SLA: variants seen among roughly 807,000 people sequenced by gnomAD.
SLA encodes src-like-adapter.
In SLA, 16 loss-of-function variants were observed where a neutral mutation model predicts 30.3. That is an observed-to-expected ratio of 0.53 (90% CI 0.36 to 0.80). The LOEUF is 0.80. SLA is among the 30% of genes least tolerant of loss of function. SLA has a pLI of 0.01. For missense variants in SLA, 310 were observed against 345.2 expected (o/e 0.90, Z 0.81); for synonymous variants, 143 against 137.8 (o/e 1.04, Z -0.26).
rs1248215772 is a variant in SLA, at chr8:133,038,361, A to T, written c.*163T>A. 6.4e-6 allele frequency: 4 copies of T among 628,070 alleles called. No homozygotes were observed. Among genetic ancestry groups the T allele is most frequent in the Non-Finnish European group, 1.1e-5 (4 of 352,664 alleles). 38.9% of individuals were successfully genotyped at this position (628,070 alleles called of 1,614,324 possible). ...CCAGGGAGGGGTTCCTTTGGTCATG[A>T]TGTGGATAGAGAAGATGCGAATTTG... On this transcript the variant is annotated 3_prime_UTR_variant, in exon 9 of 9. Transcript: ENST00000338087.
chr8:133,088,393 A>G (rs1192164099), intron 1 of SLA, among the ~76,000 whole-genome samples: 7 of 152,206 alleles, frequency 4.6e-5, no homozygotes, highest in African/African-American at 7.2e-5. Flanking sequence ...TTTCTCGGGT[A>G]GGTAGCACAG....
intron 1 of SLA, chr8:133,076,535 G>A (rs1192430105): frequency 2.0e-5 from 3 of 152,128 alleles, no homozygotes; most frequent in Non-Finnish European, 4.4e-5. Context: ...CAGGGAAGAC[G>A]GGATAGGCAG....
At chr8:133,039,190 T>A (rs1214283784) in intron 8 of SLA, among the ~76,000 whole-genome samples, 3 of 152,238 alleles carry the variant, frequency 2.0e-5, no homozygotes, top group African/African-American at 7.2e-5. Flanking sequence ...TAACTTACTA[T>A]TCTAGTTATT....
chr8:133,094,894 T>C (rs554720956), intron 1 of SLA: 17 of 1,019,060 alleles, frequency 1.7e-5, no homozygotes, highest in African/African-American at 1.4e-4. Context: ...CCAATCCTTA[T>C]CTTCCCATTG....
At chr8:133,049,861 C>T (rs186533934) in intron 5 of SLA, 41 bp downstream of exon 5, 105 of 1,231,302 alleles carry the variant, frequency 8.5e-5, no homozygotes, top group African/African-American at 4.6e-4. Flanking sequence ...CACCAGCATA[C>T]GCATCATGCT....
At chr8:133,056,162 T>A (rs1341086784) in intron 3 of SLA, among the ~76,000 whole-genome samples, 2 of 152,184 alleles carry the variant, frequency 1.3e-5, no homozygotes, top group Non-Finnish European at 2.9e-5. Flanking sequence ...AATGTCTTTT[T>A]AAAAATTAAT....
At position 133,096,314 on chromosome 8, in the gene SLA, G is replaced by T; in HGVS notation, c.-319+6239C>A. 6.2e-7 allele frequency: 1 copy of T among 1,614,180 alleles called. No homozygotes were observed. ...GAAGAGGTCTTTATGGGTAGAGGTC[G>T]ATCTGCTCATTGGGAGTTCTCAGGA... On this transcript the variant is annotated intron_variant, in intron 1 of 8. Coordinates refer to ENST00000338087, the MANE Select transcript of SLA (RefSeq NM_001045556.3).
chr8:133,083,931 C>A (rs1052628068), intron 1 of SLA, among the ~76,000 whole-genome samples: 2 of 152,198 alleles, frequency 1.3e-5, no homozygotes, highest in African/African-American at 4.8e-5. Flanking sequence ...CATGGAGCCA[C>A]CTCAGTCACT....
intron 1 of SLA, among the ~76,000 whole-genome samples, chr8:133,092,981 G>A (rs1477890090): frequency 6.6e-5 from 10 of 152,106 alleles, no homozygotes; most frequent in Non-Finnish European, 1.0e-4. Context: ...TTTTATAGCC[G>A]AAGGAAATAT....
chr8:133,060,260 A>G (rs775997735), intron 2 of SLA, 60 bp from the exon 3 acceptor site: 1 of 1,609,522 alleles, frequency 6.2e-7, no homozygotes, highest in Non-Finnish European at 8.5e-7. Flanking sequence ...CAAGTGGAGA[A>G]TGACCCAGTT....
chr8:133,101,991 G>A (rs759989412), intron 1 of SLA, among the ~76,000 whole-genome samples: 3 of 152,238 alleles, frequency 2.0e-5, no homozygotes, highest in Non-Finnish European at 4.4e-5. Flanking sequence ...TTCCCTATCT[G>A]TGAAGTTGGG....
chr8:133,058,958 G>T, intron 3 of SLA: 1 of 480,012 alleles, frequency 2.1e-6, no homozygotes, highest in East Asian at 6.3e-5. Flanking sequence ...CTGGCTTGGG[G>T]GCATTGGAGG....
At chr8:133,096,737 T>G (rs16904829) in intron 1 of SLA, among the ~76,000 whole-genome samples, 148 of 152,258 alleles carry the variant, frequency 9.7e-4, no homozygotes, top group African/African-American at 3.4e-3. Context: ...GGCAGGGAGA[T>G]GAAGGGACTC....
intron 2 of SLA, among the ~76,000 whole-genome samples, chr8:133,068,689 C>T (rs375317366): frequency 1.3e-5 from 2 of 152,200 alleles, no homozygotes; most frequent in African/African-American, 4.8e-5. Flanking sequence ...CGTGTCAGTA[C>T]AGTGAGTGGG....
chr8:133,057,218 A>G (rs1351252611), intron 3 of SLA, among the ~76,000 whole-genome samples: 6 of 152,116 alleles, frequency 3.9e-5, no homozygotes, highest in Admixed American at 3.9e-4. Flanking sequence ...GAGAAGGAAC[A>G]AAGAGGGGAA....
chr8:133,043,826 G>A (rs893048734), intron 7 of SLA, among the ~76,000 whole-genome samples: 3 of 152,362 alleles, frequency 2.0e-5, no homozygotes, highest in East Asian at 3.9e-4. Context: ...TTGCCCCAGT[G>A]TGTGAGGTCA....
intron 1 of SLA, among the ~76,000 whole-genome samples, chr8:133,096,873 C>T (rs867323605): frequency 3.3e-5 from 5 of 152,238 alleles, no homozygotes; most frequent in Non-Finnish European, 5.9e-5. Flanking sequence ...GTGTGGCTTG[C>T]TGGAGGCACA....
chr8:133,090,093 T>C (rs1847250212), intron 1 of SLA: 1 of 152,258 alleles, frequency 6.6e-6, no homozygotes, highest in Non-Finnish European at 1.5e-5. Context: ...TTGAGACTTA[T>C]GCTTCTTTGT....
chr8:133,056,468 T>C (rs1219615508), intron 3 of SLA, among the ~76,000 whole-genome samples: 2 of 152,172 alleles, frequency 1.3e-5, no homozygotes, highest in Non-Finnish European at 2.9e-5. Flanking sequence ...GACGAGCCCA[T>C]CCTCTTCCAG....
Sources: gnomAD v4.1 joint callset for allele counts (sites outside exome capture counted in the v4.1 genomes callset) on GRCh38, gnomAD v4.1.1 for gene constraint, MANE v1.5 for transcripts, NCBI Gene and HGNC (gene_info 2026-07-23, HGNC 2026-07-21) for gene names.